KCTD16: variants seen among roughly 807,000 people sequenced by gnomAD.
KCTD16 encodes the protein potassium channel tetramerization domain containing 16.
A neutral mutation model predicts 33.2 loss-of-function variants in KCTD16; 13 were observed. That is an observed-to-expected ratio of 0.39 (90% confidence interval 0.25 to 0.62). The LOEUF (loss-of-function observed/expected upper bound fraction) is 0.62. KCTD16 is among the 20% of genes least tolerant of loss of function. The pLI is 0.50. For missense variants in KCTD16, 441 were observed against 525.1 expected (o/e 0.84, Z 1.57); for synonymous variants, 197 against 195.3 (o/e 1.01, Z -0.07).
intron 2 of KCTD16, among the ~76,000 whole-genome samples, chr5:144,204,849 A>G (rs1753124368): frequency 6.6e-6 from 1 of 151,864 alleles, no homozygotes; most frequent in Non-Finnish European, 1.5e-5. Flanking sequence ...AAAAGGGAGA[A>G]TTTGAGTGAA....
chr5:144,276,082 A>G (rs1755430262), intron 3 of KCTD16, among the ~76,000 whole-genome samples: 1 of 152,228 alleles, frequency 6.6e-6, no homozygotes, highest in Non-Finnish European at 1.5e-5. Flanking sequence ...TATATAAATA[A>G]TACATGAATA....
chr5:144,308,094 A>G (rs1490250884), intron 3 of KCTD16, among the ~76,000 whole-genome samples: 1 of 152,226 alleles, frequency 6.6e-6, no homozygotes, highest in African/African-American at 2.4e-5. Context: ...TGAAGGAAAT[A>G]ATATAAGATA....
At chr5:144,473,494 TG>T (rs1245311422) in intron 3 of KCTD16, among the ~76,000 whole-genome samples, 165 bp from the exon 4 acceptor site, 1 of 152,174 alleles carries the variant, frequency 6.6e-6, no homozygotes, top group Admixed American at 6.5e-5. Flanking sequence ...ACTTGGCTTT[TG>T]GGTGCACCTG....
At chr5:144,416,993 A>G (rs1753069236) in intron 3 of KCTD16, among the ~76,000 whole-genome samples, 1 of 152,170 alleles carries the variant, frequency 6.6e-6, no homozygotes, top group South Asian at 2.1e-4. Context: ...CATCACATTT[A>G]TATACCATAA....
rs117854900 is a variant in KCTD16, at chr5:144,348,627, C to T, written c.833-125033C>T. On this transcript the variant is annotated intron_variant, in intron 3 of 3. Coordinates refer to ENST00000512467, the MANE Select transcript of KCTD16 (RefSeq NM_020768.4). Reference sequence around the variant, plus strand: ...GTAGCTTCTCATTTTTCCGTGCTCACTCCTATGGCCAGAGTTAGTTACAAA... The same window carrying T: ...GTAGCTTCTCATTTTTCCGTGCTCATTCCTATGGCCAGAGTTAGTTACAAA... 5.5e-4 allele frequency among the ~76,000 whole-genome samples: 84 copies of T among 152,308 alleles called. No homozygotes were observed. In the East Asian group the frequency reaches 0.014, roughly 26 times the overall value.
chr5:144,462,188 T>G (rs1356551297), intron 3 of KCTD16, among the ~76,000 whole-genome samples: 1 of 152,144 alleles, frequency 6.6e-6, no homozygotes, highest in African/African-American at 2.4e-5. Context: ...TAATCATTAT[T>G]ATGGCACTAG....
At chr5:144,404,506 T>C (rs1334945808) in intron 3 of KCTD16, among the ~76,000 whole-genome samples, 7 of 152,204 alleles carry the variant, frequency 4.6e-5, no homozygotes, top group African/African-American at 1.4e-4. Context: ...TCAATCATCA[T>C]TTGTGCAGAT....
chr5:144,190,187 C>G (rs1168059379), intron 2 of KCTD16, among the ~76,000 whole-genome samples: 1 of 152,176 alleles, frequency 6.6e-6, no homozygotes, highest in Non-Finnish European at 1.5e-5. Context: ...TATTTGTTTA[C>G]GAGTCTGTCT....
chr5:144,464,561 C>T (rs966937303), intron 3 of KCTD16, among the ~76,000 whole-genome samples: 3 of 152,114 alleles, frequency 2.0e-5, no homozygotes, highest in Non-Finnish European at 2.9e-5. Flanking sequence ...CAATAGTGCC[C>T]TGACTTAGAG....
rs544249970 is a variant in KCTD16, at chr5:144,459,548, C to T, written c.833-14112C>T. Among the ~76,000 whole-genome samples the T allele has an allele frequency of 7.7e-4, 117 of 152,040 alleles. No individual in the cohort carries two copies. The Middle Eastern group carries it at 0.017, about 22-fold the overall frequency. ...TATTTTTAGTAGAGACAAGGTTTCA[C>T]TATGCTGTCCAGGCTGGTCTCAAAC... On this transcript the variant is annotated intron_variant, in intron 3 of 3. Transcript: ENST00000512467.
rs1469922530 is a variant in KCTD16, at chr5:144,483,989, C to T, written c.*9875C>T. 1 of 151,856 alleles carries T rather than the reference C, an allele frequency of 6.6e-6. No individual in the cohort carries two copies. The highest frequency in any genetic ancestry group is 6.6e-5 in the Admixed American group (1 of 15,210). The allele number at this position is 151,856 out of a possible 1,614,324, so 9.4% of individuals were successfully genotyped here. On this transcript the variant is annotated 3_prime_UTR_variant, in exon 4 of 4. Transcript: ENST00000512467. Reference sequence around the variant, plus strand: ...TTTGAAGGAGCGATTGTTTTTTCCCCAAAATTTTGGAGCAGAGGGGACGTT... The same window carrying T: ...TTTGAAGGAGCGATTGTTTTTTCCCTAAAATTTTGGAGCAGAGGGGACGTT...
rs141843476 is a variant in KCTD16, at chr5:144,468,672, C to T, written c.833-4988C>T. On this transcript the variant is annotated intron_variant, in intron 3 of 3. Transcript: ENST00000512467. ...CAACTGGGATACCAAGAAAGCCTTT[C>T]AGCAGCCTCGATAAATTAAATCTGG... Among the ~76,000 whole-genome samples the T allele has an allele frequency of 4.3e-3, 661 of 152,312 alleles. 4 individuals are homozygous for T. Among genetic ancestry groups the T allele is most frequent in the African/African-American group, 0.015 (616 of 41,568 alleles).
chr5:144,428,633 A>G (rs1269923033), intron 3 of KCTD16, among the ~76,000 whole-genome samples: 1 of 152,176 alleles, frequency 6.6e-6, no homozygotes, highest in Non-Finnish European at 1.5e-5. Context: ...TACTCTGTGA[A>G]TAATAAGCAA....
At chr5:144,415,855 T>C (rs1753041947) in intron 3 of KCTD16, among the ~76,000 whole-genome samples, 1 of 152,212 alleles carries the variant, frequency 6.6e-6, no homozygotes, top group African/African-American at 2.4e-5. Flanking sequence ...GCTAATTCCA[T>C]GATATTTAAA....
chr5:144,453,153 C>T (rs758849171), intron 3 of KCTD16, among the ~76,000 whole-genome samples: 8 of 152,030 alleles, frequency 5.3e-5, no homozygotes, highest in African/African-American at 1.7e-4. Flanking sequence ...GGTGAAGGGC[C>T]GCCATTTTCT....
At chr5:144,186,443 A>T (rs1045997711) in intron 2 of KCTD16, among the ~76,000 whole-genome samples, 17 of 151,648 alleles carry the variant, frequency 1.1e-4, no homozygotes, top group African/African-American at 3.1e-4. Context: ...AAAAAATTGT[A>T]CATGCTGCCA....
At chr5:144,337,760 C>G (rs1457999874) in intron 3 of KCTD16, among the ~76,000 whole-genome samples, 1 of 152,142 alleles carries the variant, frequency 6.6e-6, no homozygotes, top group Non-Finnish European at 1.5e-5. Context: ...GTTCCATTAC[C>G]ATTTTTTTAG....
chr5:144,460,629 A>G (rs2126991987), intron 3 of KCTD16, among the ~76,000 whole-genome samples: 1 of 152,238 alleles, frequency 6.6e-6, no homozygotes, highest in South Asian at 2.1e-4. Context: ...TTTAGTAGAG[A>G]TGGGGTTTCA....
intron 2 of KCTD16, among the ~76,000 whole-genome samples, chr5:144,204,175 G>C (rs1208819296): frequency 2.0e-5 from 3 of 152,142 alleles, no homozygotes; most frequent in Non-Finnish European, 4.4e-5. Context: ...AATTTTTTGG[G>C]CAAGAGTTGG....
Sources: allele counts gnomAD v4.1 joint callset (sites outside exome capture counted in the v4.1 genomes callset), GRCh38; gene constraint gnomAD v4.1.1; transcripts MANE v1.5; gene names NCBI Gene and HGNC (gene_info 2026-07-23, HGNC 2026-07-21).